AP1AR: variants seen among roughly 807,000 people sequenced by gnomAD.
AP1AR encodes the protein adaptor related protein complex 1 associated regulatory protein.
AP1AR carries 29 observed loss-of-function variants against 46.3 expected under a neutral mutation model. That is an observed-to-expected ratio of 0.63 (90% CI 0.47 to 0.85). The LOEUF (loss-of-function observed/expected upper bound fraction) is 0.85. Ranked by LOEUF, AP1AR falls within the 40% of genes least tolerant of loss-of-function variation. AP1AR has a pLI of 0.00. For missense variants in AP1AR, 357 were observed against 356.3 expected (o/e 1.00, Z -0.02); for synonymous variants, 122 against 122.9 (o/e 0.99, Z 0.05).
At position 112,271,423 on chromosome 4, in the gene AP1AR, A is replaced by T. The variant is rs1443368084; in HGVS notation, c.*3014A>T. Among the ~76,000 whole-genome samples the T allele has an allele frequency of 3.3e-5, 5 of 152,246 alleles. No homozygotes were observed. The highest frequency in any genetic ancestry group is 7.3e-5 in the Non-Finnish European group (5 of 68,042). ...CTCAACAGAGCTATTTCTACTTGTC[A>T]TCTGTCATCTTGTCCCCTTGGTTCA... On this transcript the variant is annotated 3_prime_UTR_variant, in exon 10 of 10. Coordinates refer to ENST00000274000, the MANE Select transcript of AP1AR (RefSeq NM_018569.6).
intron 7 of AP1AR, 164 bp downstream of exon 7, chr4:112,265,231 T>A: frequency 1.8e-6 from 1 of 548,484 alleles, no homozygotes. Context: ...TGAGAACATT[T>A]AAGTTGAAAC....
At chr4:112,235,341 C>T (rs1042256140) in intron 1 of AP1AR, among the ~76,000 whole-genome samples, 15 of 152,190 alleles carry the variant, frequency 9.9e-5, no homozygotes, top group African/African-American at 2.7e-4. Context: ...TATAATTCCA[C>T]ATAGTGATTC....
chr4:112,241,975 T>C (rs1725521074), intron 1 of AP1AR, among the ~76,000 whole-genome samples: 1 of 152,232 alleles, frequency 6.6e-6, no homozygotes, highest in African/African-American at 2.4e-5. Flanking sequence ...CATTTATTTA[T>C]AGTGTCAAGC....
In AP1AR at chr4:112,266,509, A is replaced by G; in HGVS notation, c.515-79A>G. ...TAATAATAATAATATTTAGAGACAG[A>G]TAATTGTTACAAAATAAAACGGCTG... is the stretch of plus-strand genomic sequence containing the variant. On this transcript the variant is annotated intron_variant, in intron 8 of 9. Coordinates refer to ENST00000274000, the MANE Select transcript of AP1AR (RefSeq NM_018569.6). 3.8e-6 allele frequency: 5 copies of G among 1,308,150 alleles called. No individual in the cohort carries two copies. The South Asian group carries it at 4.1e-5, about 11-fold the overall frequency. 81.0% of individuals were successfully genotyped at this position (1,308,150 alleles called of 1,614,324 possible).
At chr4:112,248,970 G>C (rs1456573984) in intron 1 of AP1AR, among the ~76,000 whole-genome samples, 1 of 152,042 alleles carries the variant, frequency 6.6e-6, no homozygotes, top group Non-Finnish European at 1.5e-5. Flanking sequence ...TGCTTTAACC[G>C]AGAAGTCTGC....
chr4:112,252,239 CA>C (rs1560607592), intron 1 of AP1AR, among the ~76,000 whole-genome samples: 1 of 152,004 alleles, frequency 6.6e-6, no homozygotes, highest in Non-Finnish European at 1.5e-5. Flanking sequence ...ACCCTGTCTC[CA>C]AAAAAGAAAG....
rs1416376228 is a variant in AP1AR, at chr4:112,271,629, T to TAAC, written c.*3221_*3223dup. Among the ~76,000 whole-genome samples, 19 of 152,346 alleles carry TAAC rather than the reference T, an allele frequency of 1.2e-4. No individual in the cohort carries two copies. Among genetic ancestry groups the TAAC allele is most frequent in the African/African-American group, 4.6e-4 (19 of 41,584 alleles). On this transcript the variant is annotated 3_prime_UTR_variant, in exon 10 of 10. Coordinates refer to ENST00000274000, the MANE Select transcript of AP1AR (RefSeq NM_018569.6). ...TAGTAGCTGCAAGTGCCCTTAACTA[T>TAAC]AACTTCTTGGTTCTGATTTGACTTC...
intron 4 of AP1AR, among the ~76,000 whole-genome samples, chr4:112,259,941 G>A (rs948947702): frequency 3.9e-5 from 6 of 151,958 alleles, no homozygotes; most frequent in Admixed American, 3.9e-4. Flanking sequence ...AAAGTGGAGT[G>A]AAATTGCCTT....
At chr4:112,262,896 A>AT in intron 5 of AP1AR, 92 bp from the exon 6 acceptor site, 2 of 776,676 alleles carry the variant, frequency 2.6e-6, no homozygotes, top group Non-Finnish European at 4.3e-6. Flanking sequence ...TTAATAATTT[A>AT]TTTTTTGTTT....
At chr4:112,240,152 C>T (rs1342659151) in intron 1 of AP1AR, among the ~76,000 whole-genome samples, 1 of 152,218 alleles carries the variant, frequency 6.6e-6, no homozygotes, top group Non-Finnish European at 1.5e-5. Flanking sequence ...ATGGAGCTTT[C>T]AAGGCTCTGT....
intron 1 of AP1AR, among the ~76,000 whole-genome samples, chr4:112,248,778 T>C (rs1725828472): frequency 6.6e-6 from 1 of 152,200 alleles, no homozygotes; most frequent in African/African-American, 2.4e-5. Flanking sequence ...TGGCTATCTC[T>C]CAGACCTTAT....
chr4:112,250,801 CCAAATATATTTTGCTTTTCTCT>C lies in AP1AR; in HGVS notation c.84-2384_84-2363del, dbSNP rs368659473. Among the ~76,000 whole-genome samples, 1,026 of 152,076 alleles carry C rather than the reference CCAAATATATTTTGCTTTTCTCT, an allele frequency of 6.7e-3. 5 individuals are homozygous for C. The highest frequency in any genetic ancestry group is 0.023 in the African/African-American group (958 of 41,498). On this transcript the variant is annotated intron_variant, in intron 1 of 9. Coordinates refer to ENST00000274000, the MANE Select transcript of AP1AR (RefSeq NM_018569.6). ...TTAAAAGGAAAGCTTGAATTTTTTC[CCAAATATATTTTGCTTTTCTCT>C]CAAATATATTTTGCTTTTCTCTTTA...
In AP1AR at chr4:112,265,054, G is replaced by A. The variant is rs1421084747; in HGVS notation, c.427G>A (p.Gly143Arg). The change falls in exon 7 of 10, where the codon GGA becomes AGA. Residue 143 changes from glycine to arginine, a missense_variant. Transcript: ENST00000274000. Reference sequence around the variant, plus strand: ...GCAGCAATATCATCCTTCCAACAATGGAGAATATCAAAGGTAAATAGTGAA... The same window carrying A: ...GCAGCAATATCATCCTTCCAACAATAGAGAATATCAAAGGTAAATAGTGAA... ...IVQQYHPSNN[G>R]EYQSSGPEDD... 4 of 1,602,850 alleles carry A rather than the reference G, an allele frequency of 2.5e-6. No homozygotes were observed. The Admixed American group carries it at 5.2e-5, about 21-fold the overall frequency.
rs779556756 is a variant in AP1AR at position 112,254,731 on chromosome 4, T to A, written c.133-16T>A. On this transcript the variant is annotated splice_polypyrimidine_tract_variant and intron_variant, in intron 2 of 9. Transcript: ENST00000274000. ...GACAAATATTCCTCTTAACGCTTAC[T>A]TTTTTGTCCTTTCAGTTTGAGAATC... 6.7e-7 allele frequency: 1 copy of A among 1,497,524 alleles called. No individual in the cohort carries two copies. Among genetic ancestry groups the A allele is most frequent in the South Asian group, 1.3e-5 (1 of 77,324 alleles). The allele number at this position is 1,497,524 out of a possible 1,614,324, so 92.8% of individuals were successfully genotyped here.
intron 1 of AP1AR, among the ~76,000 whole-genome samples, chr4:112,245,677 A>C (rs1324512809): frequency 6.6e-6 from 1 of 152,226 alleles, no homozygotes; most frequent in African/African-American, 2.4e-5. Context: ...GCAAATGAAT[A>C]TAAAATACAT....
At chr4:112,251,636 T>C (rs1267045469) in intron 1 of AP1AR, among the ~76,000 whole-genome samples, 3 of 152,182 alleles carry the variant, frequency 2.0e-5, no homozygotes, top group Admixed American at 6.5e-5. Context: ...GAGAAGCATA[T>C]AGCACTGTAA....
At chr4:112,255,736 AG>A (rs894988132) in intron 3 of AP1AR, among the ~76,000 whole-genome samples, 3 of 152,244 alleles carry the variant, frequency 2.0e-5, no homozygotes, top group Non-Finnish European at 4.4e-5. Context: ...TCTCAAATAC[AG>A]AAGTGTTAAA....
intron 1 of AP1AR, among the ~76,000 whole-genome samples, chr4:112,247,507 A>C (rs1006223777): frequency 1.3e-5 from 2 of 152,184 alleles, no homozygotes; most frequent in Non-Finnish European, 2.9e-5. Context: ...AGGCTTCCTC[A>C]TCTTGGTAAA....
Position 112,269,289 on chromosome 4 carries a change from G to A in AP1AR, c.*880G>A, listed in dbSNP as rs1726849787. 1 of 152,164 alleles carries A rather than the reference G, an allele frequency of 6.6e-6. No individual in the cohort carries two copies. The highest frequency in any genetic ancestry group is 1.9e-4 in the East Asian group (1 of 5,172). The allele number at this position is 152,164 out of a possible 1,614,324, so 9.4% of individuals were successfully genotyped here. On this transcript the variant is annotated 3_prime_UTR_variant, in exon 10 of 10. Transcript: ENST00000274000. Reference sequence around the variant, plus strand: ...AAAAGAAAATCTAAAAAGGTAATACGGGTATTTCAAATAAAATCCTTTCTG... The same window carrying A: ...AAAAGAAAATCTAAAAAGGTAATACAGGTATTTCAAATAAAATCCTTTCTG...
Sources: allele counts gnomAD v4.1 joint callset (sites outside exome capture counted in the v4.1 genomes callset), GRCh38; gene constraint gnomAD v4.1.1; transcripts MANE v1.5; gene names NCBI Gene and HGNC (gene_info 2026-07-23, HGNC 2026-07-21).